Variants in FARS2 observed in about 807,000 individuals in gnomAD.
FARS2 encodes phenylalanine--tRNA ligase, mitochondrial.
FARS2 carries 40 observed loss-of-function variants against 46.4 expected under a neutral mutation model. The ratio of observed to expected loss-of-function variants is 0.86; its 90% CI spans 0.67 to 1.12. The LOEUF (loss-of-function observed/expected upper bound fraction) is 1.12, where lower values mean the gene tolerates loss of function less well. FARS2 is among the 50% of genes most tolerant of loss of function. The pLI is 0.00. For synonymous variants in FARS2, 234 were observed against 214.9 expected, an observed-to-expected ratio of 1.09 and a Z score of -0.78; for missense variants, 513 against 567.9, an observed-to-expected ratio of 0.90 and a Z score of 0.98.
chr6:5,675,798 C>T (rs1021567189), intron 6 of FARS2, among the ~76,000 whole-genome samples: 2 of 152,184 alleles, frequency 1.3e-5, no homozygotes, highest in African/African-American at 2.4e-5. Flanking sequence ...GAAGACACAT[C>T]GTTTTCATTG....
intron 2 of FARS2, among the ~76,000 whole-genome samples, chr6:5,393,642 C>T (rs1025245427): frequency 6.6e-5 from 10 of 151,696 alleles, no homozygotes; most frequent in Admixed American, 2.6e-4. Context: ...GGTGACAGAC[C>T]GAGACTCCAC....
At chr6:5,513,181 C>T (rs1246341480) in intron 4 of FARS2, among the ~76,000 whole-genome samples, 1 of 152,026 alleles carries the variant, frequency 6.6e-6, no homozygotes, top group Admixed American at 6.6e-5. Context: ...ATCAGCAAGT[C>T]CTAGTGACTC....
At chr6:5,664,821 G>C (rs1778027578) in intron 6 of FARS2, among the ~76,000 whole-genome samples, 1 of 152,112 alleles carries the variant, frequency 6.6e-6, no homozygotes, top group South Asian at 2.1e-4. Context: ...AAGGGCAGCT[G>C]GACGGAGAAG....
At position 5,368,960 on chromosome 6, in the gene FARS2, C is replaced by T. The variant is rs767424737; in HGVS notation, c.390C>T (p.Leu130=). The change falls in exon 2 of 7, where the codon CTC becomes CTT. Residue 130 remains leucine (L), a synonymous_variant. Transcript: ENST00000274680. ...VTTWQNFDSL[L]IPADHPSRKK... ...CCTGGCAGAACTTTGACAGCCTGCTCATCCCAGCTGATCACCCCAGCAGGA... is the reference window on the plus strand; with the variant it reads ...CCTGGCAGAACTTTGACAGCCTGCTTATCCCAGCTGATCACCCCAGCAGGA... The T allele has an allele frequency of 3.1e-6, 5 of 1,614,164 alleles. No individual in the cohort carries two copies. Among genetic ancestry groups the T allele is most frequent in the Non-Finnish European group, 4.2e-6 (5 of 1,180,026 alleles).
At chr6:5,762,375 T>C (rs1762522197) in intron 6 of FARS2, among the ~76,000 whole-genome samples, 1 of 151,866 alleles carries the variant, frequency 6.6e-6, no homozygotes, top group Non-Finnish European at 1.5e-5. Flanking sequence ...GCTGGGCGAG[T>C]CTGCATCCCA....
At chr6:5,645,452 A>C (rs549203253) in intron 6 of FARS2, among the ~76,000 whole-genome samples, 23 of 152,314 alleles carry the variant, frequency 1.5e-4, no homozygotes, top group Admixed American at 5.2e-4. Context: ...GACGAGTGCC[A>C]AGCTCCTCCT....
intron 6 of FARS2, among the ~76,000 whole-genome samples, chr6:5,726,604 A>T (rs969284835): frequency 2.0e-5 from 3 of 152,230 alleles, no homozygotes; most frequent in Non-Finnish European, 4.4e-5. Context: ...CGATATTTTT[A>T]AAGTAGAAAA....
At chr6:5,690,122 G>T (rs1319700466) in intron 6 of FARS2, among the ~76,000 whole-genome samples, 7 of 152,170 alleles carry the variant, frequency 4.6e-5, no homozygotes, top group African/African-American at 1.7e-4. Flanking sequence ...CCTGAATACA[G>T]CACACTGATG....
chr6:5,433,173 C>T (rs545460903), intron 4 of FARS2, among the ~76,000 whole-genome samples: 1 of 152,170 alleles, frequency 6.6e-6, no homozygotes, highest in African/African-American at 2.4e-5. Context: ...TAATTAACAG[C>T]TGTGTCTCTT....
At chr6:5,736,682 A>T (rs562396267) in intron 6 of FARS2, among the ~76,000 whole-genome samples, 7,959 of 151,704 alleles carry the variant, frequency 0.052, 685 homozygotes, top group African/African-American at 0.18. Context: ...TTTTTTTTAA[A>T]AAATTGCATG....
chr6:5,661,137 C>A (rs547744566), intron 6 of FARS2, among the ~76,000 whole-genome samples: 1 of 152,242 alleles, frequency 6.6e-6, no homozygotes, highest in Admixed American at 6.5e-5. Flanking sequence ...AAATAAAACC[C>A]AAAATTTCTA....
intron 4 of FARS2, among the ~76,000 whole-genome samples, chr6:5,466,380 C>G (rs1178040401): frequency 6.6e-6 from 1 of 152,178 alleles, no homozygotes; most frequent in Non-Finnish European, 1.5e-5. Context: ...TGTGTCATTT[C>G]TTGGTCTCCT....
intron 1 of FARS2, among the ~76,000 whole-genome samples, chr6:5,341,224 T>G (rs1425860933): frequency 2.8e-4 from 2 of 7,060 alleles, no homozygotes; most frequent in Non-Finnish European, 5.5e-4. Context: ...TATATATATA[T>G]ATATATATAT....
chr6:5,434,199 C>A (rs1763389726), intron 4 of FARS2, among the ~76,000 whole-genome samples: 1 of 152,180 alleles, frequency 6.6e-6, no homozygotes, highest in Admixed American at 6.5e-5. Flanking sequence ...AACCTCTGCC[C>A]CCGCTGGGTT....
chr6:5,618,194 G>A (rs1363235379), intron 6 of FARS2, among the ~76,000 whole-genome samples: 2 of 152,106 alleles, frequency 1.3e-5, no homozygotes, highest in Non-Finnish European at 2.9e-5. Context: ...TTTGGGGGAG[G>A]GGGATACATG....
At chr6:5,317,069 T>A (rs897516934) in intron 1 of FARS2, among the ~76,000 whole-genome samples, 1 of 152,206 alleles carries the variant, frequency 6.6e-6, no homozygotes, top group Non-Finnish European at 1.5e-5. Flanking sequence ...GGCTCTTGCA[T>A]GGTAACAGGA....
Position 5,329,130 on chromosome 6 carries a change from TA to T in FARS2, c.-21-39408del, listed in dbSNP as rs1003696606. On this transcript the variant is annotated intron_variant, in intron 1 of 6. Coordinates refer to ENST00000274680, the MANE Select transcript of FARS2 (RefSeq NM_006567.5). ...TCTCTGCTTAGTGTTGTTTCTATATTAAAAAAAAAAAAGAAACTGTGGCTAC... is the reference window on the plus strand; with the variant it reads ...TCTCTGCTTAGTGTTGTTTCTATATTAAAAAAAAAAAGAAACTGTGGCTAC... Among the ~76,000 whole-genome samples, 55 of 149,440 alleles carry T rather than the reference TA, an allele frequency of 3.7e-4. 1 individual carries two copies. Among genetic ancestry groups the T allele is most frequent in the Admixed American group, 2.0e-3 (30 of 14,984 alleles).
intron 3 of FARS2, among the ~76,000 whole-genome samples, chr6:5,415,310 CTTTTTTTTTT>C (rs773981175): frequency 7.5e-5 from 4 of 53,636 alleles, no homozygotes; most frequent in African/African-American, 2.8e-4. Context: ...CTTTTCTTTT[CTTTTTTTTTT>C]TTTTTTTTTT....
At chr6:5,759,165 G>A (rs1274704316) in intron 6 of FARS2, among the ~76,000 whole-genome samples, 1 of 152,108 alleles carries the variant, frequency 6.6e-6, no homozygotes, top group African/African-American at 2.4e-5. Flanking sequence ...AGATCACAGG[G>A]CCTTGATATG....
Sources: gnomAD v4.1 joint callset for allele counts (sites outside exome capture counted in the v4.1 genomes callset) on GRCh38, gnomAD v4.1.1 for gene constraint, MANE v1.5 for transcripts, NCBI Gene and HGNC (gene_info 2026-07-23, HGNC 2026-07-21) for gene names.